Variants in CHD1 observed in about 807,000 individuals in gnomAD.
CHD1 encodes the protein ATP-dependent chromatin remodeler CHD1.
A neutral mutation model predicts 224.2 loss-of-function variants in CHD1; 36 were observed. That is an observed-to-expected ratio of 0.16 (90% CI 0.12 to 0.21). CHD1 has a LOEUF of 0.21. CHD1 is among the 10% of genes least tolerant of loss of function. CHD1 has a pLI of 1.00. For synonymous variants in CHD1, 668 were observed against 658.3 expected (o/e 1.01, Z -0.23); for missense variants, 1,378 against 1,994.8 (o/e 0.69, Z 5.89).
rs1486616964 is a variant in CHD1, at chr5:98,856,164, T to G, written c.*216A>C. The G allele has an allele frequency of 2.5e-6, 1 of 398,794 alleles. No individual in the cohort carries two copies. Among genetic ancestry groups the G allele is most frequent in the Non-Finnish European group, 4.5e-6 (1 of 219,966 alleles). The allele number at this position is 398,794 out of a possible 1,614,324, so 24.7% of individuals were successfully genotyped here. On this transcript the variant is annotated 3_prime_UTR_variant, in exon 36 of 36. Coordinates refer to ENST00000614616, the MANE Select transcript of CHD1 (RefSeq NM_001270.4). ...CTTTAAAAAAGAAAACAAAAAAAAGTACTACAATTTTGTAGTACAGTGCAG... is the reference window on the plus strand; with the variant it reads ...CTTTAAAAAAGAAAACAAAAAAAAGGACTACAATTTTGTAGTACAGTGCAG...
intron 15 of CHD1, among the ~76,000 whole-genome samples, chr5:98,890,166 A>G (rs1328753123): frequency 2.6e-5 from 4 of 152,210 alleles, no homozygotes; most frequent in East Asian, 1.9e-4. Flanking sequence ...TATCTAAAAT[A>G]AAAGCTGAAT....
chr5:98,902,694 T>C (rs887258425), intron 5 of CHD1, among the ~76,000 whole-genome samples: 1 of 152,024 alleles, frequency 6.6e-6, no homozygotes, highest in South Asian at 2.1e-4. Flanking sequence ...GATAAAGAAA[T>C]GGCATAATAC....
At chr5:98,884,126 T>A (rs892054820) in intron 18 of CHD1, among the ~76,000 whole-genome samples, 1 of 148,300 alleles carries the variant, frequency 6.7e-6, no homozygotes, top group African/African-American at 2.5e-5. Flanking sequence ...CAGGCTGGAG[T>A]GCAGTGGCGC....
rs147270639 is a variant in CHD1 at position 98,903,646 on chromosome 5, A to G, written c.372+146T>C. 1.5e-5 allele frequency: 10 copies of G among 680,686 alleles called. No individual in the cohort carries two copies. The African/African-American group carries it at 1.8e-4, about 12-fold the overall frequency. The allele number at this position is 680,686 out of a possible 1,614,324, so 42.2% of individuals were successfully genotyped here. On this transcript the variant is annotated intron_variant, in intron 4 of 35. Transcript: ENST00000614616. ...AATTACTGGATAATGCAAAATCTGT[A>G]TTTCAAGATTCTTGATATATACACT...
chr5:98,919,375 T>C (rs1003486111), intron 2 of CHD1, among the ~76,000 whole-genome samples: 1 of 152,206 alleles, frequency 6.6e-6, no homozygotes, highest in Non-Finnish European at 1.5e-5. Flanking sequence ...CTAATTTTAT[T>C]ATAAATTTAT....
Position 98,854,411 on chromosome 5 carries a change from G to A in CHD1, c.*1969C>T, listed in dbSNP as rs1475848333. The A allele has an allele frequency of 1.3e-5, 2 of 151,934 alleles. No individual in the cohort carries two copies. Among genetic ancestry groups the A allele is most frequent in the African/African-American group, 4.8e-5 (2 of 41,378 alleles). 9.4% of individuals were successfully genotyped at this position (151,934 alleles called of 1,614,324 possible). A position where few individuals can be genotyped will look rare whatever the true frequency, so the allele number is the denominator to read the frequency against. On this transcript the variant is annotated 3_prime_UTR_variant, in exon 36 of 36. Coordinates refer to ENST00000614616, the MANE Select transcript of CHD1 (RefSeq NM_001270.4). ...TAAAAAATGCCAGCCACCATCTTAT[G>A]ACTTAAGCATTATGAATTAGTCAAA...
intron 2 of CHD1, among the ~76,000 whole-genome samples, chr5:98,923,680 T>C (rs1475804610): frequency 1.3e-5 from 2 of 152,184 alleles, no homozygotes; most frequent in Non-Finnish European, 2.9e-5. Flanking sequence ...CCCAAAGTGC[T>C]GGGATTACAG....
At position 98,863,418 on chromosome 5, in the gene CHD1, G is replaced by T; in HGVS notation, c.4417C>A (p.Gln1473Lys). The change falls in exon 32 of 36, where the codon CAA becomes AAA. Residue 1473 changes from glutamine to lysine, a missense_variant. Coordinates refer to ENST00000614616, the MANE Select transcript of CHD1 (RefSeq NM_001270.4). ...KEYTNPEQIK[Q>K]WRKNLWIFVS... Reference sequence around the variant, plus strand: ...AAGTGTATCACTTACTTTCTCCATTGCTTAATTTGTTCAGGATTTGTATAC... The same window carrying T: ...AAGTGTATCACTTACTTTCTCCATTTCTTAATTTGTTCAGGATTTGTATAC... 6.5e-7 allele frequency: 1 copy of T among 1,538,596 alleles called. No individual in the cohort carries two copies.
At position 98,923,408 on chromosome 5, in the gene CHD1, G is replaced by A. The variant is rs113107524; in HGVS notation, c.53+2926C>T. Among the ~76,000 whole-genome samples, 702 of 147,670 alleles carry A rather than the reference G, an allele frequency of 4.8e-3. 8 individuals carry two copies. The highest frequency in any genetic ancestry group is 0.017 in the African/African-American group (642 of 38,406). ...TAAAAGATTCCTTAAATTTGATTTC[G>A]CAAGGTTTAATTTTTTTTTTTTTTT... On this transcript the variant is annotated intron_variant, in intron 2 of 35. Transcript: ENST00000614616.
rs527728131 is a variant in CHD1 at position 98,863,901 on chromosome 5, T to C, written c.4249-315A>G. Among the ~76,000 whole-genome samples, 88 of 152,332 alleles carry C rather than the reference T, an allele frequency of 5.8e-4. 1 individual carries two copies. The highest frequency in any genetic ancestry group is 2.0e-3 in the African/African-American group (82 of 41,580). On this transcript the variant is annotated intron_variant, in intron 31 of 35. Coordinates refer to ENST00000614616, the MANE Select transcript of CHD1 (RefSeq NM_001270.4). ...ACACTATTCTAAGGAGTCTTAAATA[T>C]AGACTATTAAAAGATAGTAAAATAT...
intron 2 of CHD1, 144 bp downstream of exon 2, chr5:98,926,186 ATTTT>A: frequency 2.0e-6 from 1 of 506,480 alleles, no homozygotes; most frequent in Non-Finnish European, 3.5e-6. Flanking sequence ...GTATATCAGA[ATTTT>A]TTTAGTATTT....
intron 32 of CHD1, among the ~76,000 whole-genome samples, chr5:98,861,906 C>G (rs1748506782): frequency 6.6e-6 from 1 of 151,970 alleles, no homozygotes; most frequent in Non-Finnish European, 1.5e-5. Context: ...AAATTCCCCC[C>G]AGCACTTTGG....
chr5:98,898,012 A>G (rs1751453534), intron 10 of CHD1, among the ~76,000 whole-genome samples: 1 of 151,872 alleles, frequency 6.6e-6, no homozygotes, highest in Non-Finnish European at 1.5e-5. Context: ...ACACTTAAGA[A>G]GATACATTGA....
In CHD1 at chr5:98,928,626, G is replaced by A. The variant is rs973805138; in HGVS notation, c.-236C>T. On this transcript the variant is annotated 5_prime_UTR_variant, in exon 1 of 36. Transcript: ENST00000614616. Reference sequence around the variant, plus strand: ...CGGGATCTCCGCCGCCCAGTCCTAGGGCTCCGGCGTCTCGGGGTAAGCAAG... The same window carrying A: ...CGGGATCTCCGCCGCCCAGTCCTAGAGCTCCGGCGTCTCGGGGTAAGCAAG... 1.3e-5 allele frequency: 2 copies of A among 152,264 alleles called. No individual in the cohort carries two copies. Among genetic ancestry groups the A allele is most frequent in the Admixed American group, 6.5e-5 (1 of 15,268 alleles). 9.4% of individuals were successfully genotyped at this position (152,264 alleles called of 1,614,324 possible). A position where few individuals can be genotyped will look rare whatever the true frequency, so the allele number is the denominator to read the frequency against.
At chr5:98,872,365 T>C (rs905036702) in intron 27 of CHD1, 52 bp downstream of exon 27, 9 of 1,554,906 alleles carry the variant, frequency 5.8e-6, no homozygotes, top group Non-Finnish European at 7.9e-6. Context: ...CACATTCATT[T>C]TGCAATTATT....
At position 98,854,833 on chromosome 5, in the gene CHD1, T is replaced by C. The variant is rs1747903761; in HGVS notation, c.*1547A>G. ...AATTATGTCCACATACTTATATTCGTCAAAGATTCAAATTTGTTACATCAA... is the reference window on the plus strand; with the variant it reads ...AATTATGTCCACATACTTATATTCGCCAAAGATTCAAATTTGTTACATCAA... On this transcript the variant is annotated 3_prime_UTR_variant, in exon 36 of 36. Transcript: ENST00000614616. 1 of 152,132 alleles carries C rather than the reference T, an allele frequency of 6.6e-6. No homozygotes were observed. The highest frequency in any genetic ancestry group is 2.4e-5 in the African/African-American group (1 of 41,442). 9.4% of individuals were successfully genotyped at this position (152,132 alleles called of 1,614,324 possible). A position where few individuals can be genotyped will look rare whatever the true frequency, so the allele number is the denominator to read the frequency against.
intron 15 of CHD1, among the ~76,000 whole-genome samples, chr5:98,890,998 T>C (rs1750982282): frequency 6.6e-6 from 1 of 152,214 alleles, no homozygotes; most frequent in South Asian, 2.1e-4. Context: ...ACTTGAACAC[T>C]GATACTGAAT....
intron 18 of CHD1, 27 bp from the exon 19 acceptor site, chr5:98,883,264 A>G (rs766165271): frequency 3.9e-6 from 6 of 1,520,934 alleles, no homozygotes; most frequent in Non-Finnish European, 5.3e-6. Context: ...AATCAAAATG[A>G]AAAATTTTTC....
intron 28 of CHD1, 101 bp downstream of exon 28, chr5:98,871,950 G>C (rs1442990095): frequency 2.7e-6 from 3 of 1,094,740 alleles, no homozygotes; most frequent in Non-Finnish European, 3.9e-6. Context: ...CTAGTGCCTT[G>C]GTTTCCAGAT....
Sources: gnomAD v4.1 joint callset for allele counts (sites outside exome capture counted in the v4.1 genomes callset) on GRCh38, gnomAD v4.1.1 for gene constraint, MANE v1.5 for transcripts, NCBI Gene and HGNC (gene_info 2026-07-23, HGNC 2026-07-21) for gene names.